The following LSM12 variants were observed in gnomAD, a reference collection of about 807,000 sequenced individuals.
LSM12 encodes the protein protein LSM12.
For missense variants in LSM12, 108 were observed against 238.9 expected, an observed-to-expected ratio of 0.45 and a Z score of 3.61; for synonymous variants, 74 against 87.3, an observed-to-expected ratio of 0.85 and a Z score of 0.85.
chr17:44,066,442 G>A (rs2049879213), intron 1 of LSM12, 22 bp downstream of exon 1: 3 of 1,551,544 alleles, frequency 1.9e-6, no homozygotes, highest in East Asian at 5.1e-5. Context: ...CCCGGACTCG[G>A]GCTTCACGCA....
chr17:44,060,354 G>A (rs994994806), intron 2 of LSM12, among the ~76,000 whole-genome samples: 2 of 151,952 alleles, frequency 1.3e-5, no homozygotes, highest in African/African-American at 2.4e-5. Context: ...AACTTTTCAC[G>A]TCATTCATGC....
chr17:44,058,000 G>A lies in LSM12; in HGVS notation c.258+5801C>T, dbSNP rs971925438. Among the ~76,000 whole-genome samples the A allele has an allele frequency of 3.3e-5, 5 of 152,018 alleles. No homozygotes were observed. The East Asian group carries it at 9.7e-4, about 30-fold the overall frequency. ...GCCTGTAATCCCAGCACTTTGGGAG[G>A]CTGAGATGGGGGGATCATGAGGTCA... On this transcript the variant is annotated intron_variant, in intron 2 of 4. Coordinates refer to ENST00000293406, the MANE Select transcript of LSM12 (RefSeq NM_001371445.1).
intron 2 of LSM12, 42 bp downstream of exon 2, chr17:44,063,759 T>C (rs1225809019): frequency 1.3e-6 from 2 of 1,582,362 alleles, no homozygotes; most frequent in Non-Finnish European, 1.7e-6. Context: ...GACTCATCTT[T>C]CCCACCATTT....
chr17:44,044,922 G>A (rs1158148368), intron 2 of LSM12, among the ~76,000 whole-genome samples: 1 of 152,142 alleles, frequency 6.6e-6, no homozygotes, highest in African/African-American at 2.4e-5. Context: ...GTAAGTTTAT[G>A]GTTTTTGCCA....
rs2049405530 is a variant in LSM12 at position 44,035,639 on chromosome 17, G to T, written c.*569C>A. The T allele has an allele frequency of 1.2e-4, 7 of 59,876 alleles. No individual in the cohort carries two copies. Among genetic ancestry groups the T allele is most frequent in the East Asian group, 6.1e-4 (1 of 1,646 alleles). 3.7% of individuals were successfully genotyped at this position (59,876 alleles called of 1,614,324 possible). A position where few individuals can be genotyped will look rare whatever the true frequency, so the allele number is the denominator to read the frequency against. ...ATATATTTTCATATATATATTTAAAGTTAAGAAAAATAAAACTAATTCAAG... is the reference window on the plus strand; with the variant it reads ...ATATATTTTCATATATATATTTAAATTTAAGAAAAATAAAACTAATTCAAG... On this transcript the variant is annotated 3_prime_UTR_variant, in exon 5 of 5. Transcript: ENST00000293406.
chr17:44,063,639 T>C (rs1385059134), intron 2 of LSM12, among the ~76,000 whole-genome samples, 162 bp downstream of exon 2: 1 of 152,118 alleles, frequency 6.6e-6, no homozygotes, highest in Non-Finnish European at 1.5e-5. Context: ...CATCCAGGAA[T>C]AAAGAGAAAA....
At chr17:44,050,202 C>T (rs2245541) in intron 2 of LSM12, among the ~76,000 whole-genome samples, 57,644 of 150,826 alleles carry the variant, frequency 0.38, 13,746 homozygotes, top group Middle Eastern at 0.57. Flanking sequence ...TGGGTTCAAG[C>T]GATTCTCCTG....
At chr17:44,041,279 AAAAAAAAAC>A (rs756386939) in intron 2 of LSM12, among the ~76,000 whole-genome samples, 5,347 of 127,384 alleles carry the variant, frequency 0.042, 148 homozygotes, top group Non-Finnish European at 0.061. Flanking sequence ...TCTTTAAAAA[AAAAAAAAAC>A]AAACACACAC....
intron 2 of LSM12, among the ~76,000 whole-genome samples, chr17:44,051,536 A>G (rs2049644411): frequency 6.6e-6 from 1 of 151,996 alleles, no homozygotes; most frequent in African/African-American, 2.4e-5. Context: ...CTAAGTGACA[A>G]AGTAAGACCC....
At chr17:44,043,179 G>T (rs2049517943) in intron 2 of LSM12, among the ~76,000 whole-genome samples, 1 of 152,250 alleles carries the variant, frequency 6.6e-6, no homozygotes. Context: ...GAGCAGGCGT[G>T]AGCACAGAAG....
At chr17:44,064,632 C>T (rs1269953110) in intron 1 of LSM12, among the ~76,000 whole-genome samples, 1 of 151,626 alleles carries the variant, frequency 6.6e-6, no homozygotes, top group Non-Finnish European at 1.5e-5. Flanking sequence ...ACTCTGGAGC[C>T]TGAGGCAGGA....
chr17:44,048,279 C>T (rs754002710), intron 2 of LSM12, among the ~76,000 whole-genome samples: 6 of 151,782 alleles, frequency 4.0e-5, no homozygotes, highest in Admixed American at 6.6e-5. Context: ...CCCAGGAGTT[C>T]GAAACCAGCC....
At chr17:44,059,179 A>AAC (rs149442108) in intron 2 of LSM12, among the ~76,000 whole-genome samples, 23 of 151,682 alleles carry the variant, frequency 1.5e-4, no homozygotes, top group African/African-American at 2.9e-4. Context: ...TAAAAAACAG[A>AAC]ACACACACAC....
intron 3 of LSM12, 150 bp downstream of exon 3, chr17:44,039,997 C>T (rs777336574): frequency 1.6e-5 from 9 of 576,230 alleles, no homozygotes; most frequent in Admixed American, 1.2e-4. Flanking sequence ...GGCTACAGCA[C>T]CTGCACCTCT....
intron 4 of LSM12, chr17:44,037,196 A>G (rs1443730608): frequency 4.4e-6 from 2 of 449,584 alleles, no homozygotes; most frequent in Non-Finnish European, 7.7e-6. Flanking sequence ...AGCAAAGGAC[A>G]TAGGGTCACC....
intron 1 of LSM12, among the ~76,000 whole-genome samples, chr17:44,066,051 C>T (rs2049869528): frequency 6.6e-6 from 1 of 152,112 alleles, no homozygotes; most frequent in Admixed American, 6.5e-5. Context: ...TTTGCCCTAC[C>T]AGCAGTTCCT....
At chr17:44,040,500 T>C (rs1247380138) in intron 2 of LSM12, among the ~76,000 whole-genome samples, 1 of 152,156 alleles carries the variant, frequency 6.6e-6, no homozygotes, top group Non-Finnish European at 1.5e-5. Flanking sequence ...TGCCAGACAT[T>C]CACTATGCTA....
At chr17:44,056,977 G>A (rs1232631953) in intron 2 of LSM12, among the ~76,000 whole-genome samples, 2 of 151,486 alleles carry the variant, frequency 1.3e-5, no homozygotes, top group African/African-American at 4.8e-5. Context: ...GGCAGCAAGA[G>A]TGAAACTCTG....
At chr17:44,040,033 T>C in intron 3 of LSM12, 114 bp downstream of exon 3, 1 of 702,878 alleles carries the variant, frequency 1.4e-6, no homozygotes, top group East Asian at 2.8e-5. Flanking sequence ...GCCAATACCC[T>C]ACCCAGCTTC....
Sources: gnomAD v4.1 joint callset for allele counts (sites outside exome capture counted in the v4.1 genomes callset) on GRCh38, gnomAD v4.1.1 for gene constraint, MANE v1.5 for transcripts, NCBI Gene and HGNC (gene_info 2026-07-23, HGNC 2026-07-21) for gene names.